Variants in ASMT observed in about 807,000 individuals in gnomAD.
ASMT encodes acetylserotonin O-methyltransferase.
Under a neutral mutation model 41.3 loss-of-function variants are expected in ASMT, and 53 were observed. That is an observed-to-expected ratio of 1.28 (90% CI 1.03 to 1.61). The LOEUF (loss-of-function observed/expected upper bound fraction) is 1.61, where lower values mean the gene tolerates loss of function less well. Ranked by LOEUF, ASMT falls within the 40% of genes most tolerant of loss-of-function variation. ASMT has a pLI of 0.00. For synonymous variants in ASMT, 231 were observed against 184.8 expected (o/e 1.25, Z -2.03); for missense variants, 531 against 441.3 (o/e 1.20, Z -1.82).
chrX:1,635,691 A>G (rs146980139), intron 7 of ASMT, among the ~76,000 whole-genome samples: 1,830 of 151,896 alleles, frequency 0.012, 40 homozygotes, highest in African/African-American at 0.042. Context: ...GAGAAATCCC[A>G]TCTCTACTAA....
intron 3 of ASMT, among the ~76,000 whole-genome samples, chrX:1,625,914 CA>C (rs1361578264): frequency 6.9e-6 from 1 of 143,890 alleles, no homozygotes; most frequent in East Asian, 2.1e-4. Context: ...AAGATCGCAC[CA>C]CTGCACTCCA....
intron 1 of ASMT, among the ~76,000 whole-genome samples, chrX:1,620,170 T>C (rs1450546823): frequency 8.3e-4 from 109 of 131,280 alleles, no homozygotes; most frequent in African/African-American, 2.7e-3. Context: ...ATATAGCTTT[T>C]TTTTTTTTTT....
chrX:1,623,364 A>G, intron 2 of ASMT, 51 bp downstream of exon 2: 1 of 1,603,792 alleles, frequency 6.2e-7, no homozygotes, highest in Non-Finnish European at 8.5e-7. Context: ...CACCCTCTGC[A>G]GCCCACGTGT....
At position 1,615,266 on chromosome X, in the gene ASMT, C is replaced by G; in HGVS notation, c.67C>G (p.Gln23Glu). The change falls in exon 1 of 9, where the codon CAG becomes GAG. Residue 23 changes from glutamine (Q) to glutamate (E), a missense_variant and splice_region_variant. By Grantham distance (29) the Gln-to-Glu change is conservative. Transcript: ENST00000381241. ...NDYANGFMVS[Q>E]VLFAACELGV... ...CTACGCCAACGGCTTCATGGTGTCC[C>G]AGGTAGGATACGCTCTGTGGGACAA... 6.3e-7 allele frequency: 1 copy of G among 1,591,410 alleles called. No individual in the cohort carries two copies. Among genetic ancestry groups the G allele is most frequent in the Non-Finnish European group, 8.6e-7 (1 of 1,168,932 alleles).
intron 2 of ASMT, among the ~76,000 whole-genome samples, chrX:1,623,999 G>A (rs765544970): frequency 2.6e-5 from 4 of 152,106 alleles, no homozygotes; most frequent in East Asian, 1.9e-4. Flanking sequence ...GTTTCCTCTC[G>A]TGGCTCATCT....
chrX:1,625,249 A>C (rs1225551763), intron 3 of ASMT, among the ~76,000 whole-genome samples: 4 of 151,218 alleles, frequency 2.6e-5, no homozygotes, highest in South Asian at 2.1e-4. Context: ...GGACTACAGG[A>C]ACCCGCCACC....
At chrX:1,617,281 C>G (rs1225056156) in intron 1 of ASMT, among the ~76,000 whole-genome samples, 1 of 151,568 alleles carries the variant, frequency 6.6e-6, no homozygotes, top group East Asian at 2.0e-4. Context: ...ACCAGCCTGG[C>G]CAACATGGTG....
At position 1,642,311 on chromosome X, in the gene ASMT, A is replaced by C. The variant is rs1251577568; in HGVS notation, c.911-492A>C. Among the ~76,000 whole-genome samples the C allele has an allele frequency of 1.6e-4, 23 of 143,800 alleles. 2 individuals are homozygous for C. The Admixed American group carries it at 1.6e-3, about 10-fold the overall frequency. 94.3% of individuals were successfully genotyped at this position (143,800 alleles called of 152,430 possible). A position where few individuals can be genotyped will look rare whatever the true frequency, so the allele number is the denominator to read the frequency against. On this transcript the variant is annotated intron_variant, in intron 8 of 8. Coordinates refer to ENST00000381241, the MANE Select transcript of ASMT (RefSeq NM_001171038.2). ...TCCCAGTGTCCTGTGAGGTCCATAC[A>C]TCCTGATGGTCCATGAGGACATGGG...
chrX:1,631,769 G>C (rs1172639478), intron 5 of ASMT, among the ~76,000 whole-genome samples: 1 of 151,506 alleles, frequency 6.6e-6, no homozygotes, highest in Non-Finnish European at 1.5e-5. Flanking sequence ...ACAAAAAAAG[G>C]CTGGGTGCGG....
At chrX:1,627,627 A>G in intron 3 of ASMT, 76 bp from the exon 4 acceptor site, 1 of 1,380,116 alleles carries the variant, frequency 7.2e-7, no homozygotes, top group Non-Finnish European at 1.0e-6. Context: ...ATGAAACGAA[A>G]TGAAACGAAA....
intron 1 of ASMT, among the ~76,000 whole-genome samples, chrX:1,615,806 A>G: frequency 6.6e-6 from 1 of 152,010 alleles, no homozygotes; most frequent in Middle Eastern, 3.4e-3. Context: ...TGTGTCAAAA[A>G]AAAACCAAAC....
rs373088789 is a variant in ASMT at position 1,615,230 on chromosome X, C to G, written c.31C>G (p.Leu11Val). 3.8e-6 allele frequency: 6 copies of G among 1,598,882 alleles called. No individual in the cohort carries two copies. Among genetic ancestry groups the G allele is most frequent in the African/African-American group, 2.7e-5 (2 of 74,672 alleles). ...ATCCTCAGAGGACCAGGCCTATCGC[C>G]TCCTTAATGACTACGCCAACGGCTT... MGSSEDQAYR[L>V]LNDYANGFMV... Residue 11 changes from leucine to valine, a missense_variant, in exon 1 of 9, where the codon CTC (leucine) becomes GTC (valine). Transcript: ENST00000381241.
At chrX:1,641,626 C>T (rs1241975641) in intron 8 of ASMT, among the ~76,000 whole-genome samples, 1 of 149,178 alleles carries the variant, frequency 6.7e-6, no homozygotes, top group Non-Finnish European at 1.5e-5. Context: ...GGACAGTGTC[C>T]CAGTGTCCTG....
intron 5 of ASMT, among the ~76,000 whole-genome samples, chrX:1,632,003 C>T (rs1288933474): frequency 2.6e-5 from 4 of 152,040 alleles, no homozygotes; most frequent in Non-Finnish European, 4.4e-5. Flanking sequence ...GAGCTGAGAT[C>T]GCGCCACTGC....
At chrX:1,617,121 T>C (rs1239202658) in intron 1 of ASMT, among the ~76,000 whole-genome samples, 2 of 151,988 alleles carry the variant, frequency 1.3e-5, no homozygotes, top group African/African-American at 4.8e-5. Context: ...TGCAGTGAGC[T>C]ATGATTGCAC....
At chrX:1,630,842 G>A (rs186001184) in intron 5 of ASMT, among the ~76,000 whole-genome samples, 92 of 151,536 alleles carry the variant, frequency 6.1e-4, no homozygotes, top group East Asian at 2.5e-3. Context: ...ACAGGCGCCC[G>A]CCACCACACC....
At chrX:1,623,398 C>T (rs1381323907) in intron 2 of ASMT, 85 bp downstream of exon 2, 2 of 1,526,696 alleles carry the variant, frequency 1.3e-6, no homozygotes, top group Admixed American at 1.8e-5. Context: ...AAACAGTCTC[C>T]ATCCTGGCTC....
At chrX:1,642,220 G>C (rs1399788144) in intron 8 of ASMT, among the ~76,000 whole-genome samples, 2 of 147,942 alleles carry the variant, frequency 1.4e-5, no homozygotes, top group South Asian at 2.1e-4. Context: ...TCTCCTGTGA[G>C]GTCCACCCAT....
Position 1,633,291 on chromosome X carries a change from G to A in ASMT, c.787+1G>A, listed in dbSNP as rs750143579. ...GAAGAACAGATTGACTTCCAGGAAGGTGTGTTTGTGTCCGTGGGGAAGCAG... is the reference window on the plus strand; with the variant it reads ...GAAGAACAGATTGACTTCCAGGAAGATGTGTTTGTGTCCGTGGGGAAGCAG... On this transcript the variant is annotated splice_donor_variant, in intron 7 of 8. Transcript: ENST00000381241. LOFTEE classifies it high-confidence loss of function. 1 of 1,613,898 alleles carries A rather than the reference G, an allele frequency of 6.2e-7. No individual in the cohort carries two copies. Among genetic ancestry groups the A allele is most frequent in the South Asian group, 1.1e-5 (1 of 91,072 alleles).
Sources: gnomAD v4.1 joint callset for allele counts (sites outside exome capture counted in the v4.1 genomes callset) on GRCh38, gnomAD v4.1.1 for gene constraint, MANE v1.5 for transcripts, NCBI Gene and HGNC (gene_info 2026-07-23, HGNC 2026-07-21) for gene names.